The following NBR1 variants were observed in gnomAD, a reference collection of about 807,000 sequenced individuals.
NBR1 encodes the protein next to BRCA1 gene 1 protein.
Under a neutral mutation model 115.5 loss-of-function variants are expected in NBR1, and 59 were observed. The ratio of observed to expected loss-of-function variants is 0.51; its 90% CI spans 0.41 to 0.63. The LOEUF is 0.63. Among genes scored for constraint, NBR1 ranks in the 30% least tolerant of loss-of-function variants. NBR1 has a pLI of 0.00. For synonymous variants in NBR1, 373 were observed against 414.7 expected (o/e 0.90, Z 1.22); for missense variants, 1,043 against 1,150.5 (o/e 0.91, Z 1.35).
intron 5 of NBR1, among the ~76,000 whole-genome samples, chr17:43,184,159 T>G (rs957331461): frequency 2.0e-5 from 3 of 151,830 alleles, no homozygotes; most frequent in African/African-American, 7.3e-5. Context: ...TCAAGTGGTC[T>G]TCCTACCTCA....
At chr17:43,196,321 T>C (rs764666070) in intron 14 of NBR1, among the ~76,000 whole-genome samples, 160 bp from the exon 15 acceptor site, 5 of 152,222 alleles carry the variant, frequency 3.3e-5, no homozygotes, top group South Asian at 2.1e-4. Context: ...TGCTTACTTA[T>C]TGGTCTGGAG....
intron 20 of NBR1, among the ~76,000 whole-genome samples, chr17:43,205,440 A>G (rs569635509): frequency 1.3e-5 from 2 of 152,212 alleles, no homozygotes; most frequent in Non-Finnish European, 2.9e-5. Context: ...CTGGTAGATG[A>G]TGCCTGAACT....
chr17:43,194,705 T>TC (rs2057027342), intron 13 of NBR1: 1 of 656,572 alleles, frequency 1.5e-6, no homozygotes, highest in African/African-American at 1.8e-5. Context: ...ATCCTGTACT[T>TC]CCCCACAAAC....
At chr17:43,179,480 T>C (rs1317001566) in intron 4 of NBR1, 68 bp downstream of exon 4, 2 of 1,404,330 alleles carry the variant, frequency 1.4e-6, no homozygotes, top group African/African-American at 2.8e-5. Flanking sequence ...GGCATTTCTA[T>C]TTATACTCAA....
At position 43,210,435 on chromosome 17, in the gene NBR1, CTG is replaced by C. The variant is rs2057397477; in HGVS notation, c.*363_*364del. On this transcript the variant is annotated 3_prime_UTR_variant, in exon 21 of 21. Coordinates refer to ENST00000590996, the MANE Select transcript of NBR1 (RefSeq NM_005899.5). ...TAATGTGGATTTTTTATGGGGATATCTGTTAATTTTCAGGTTTTGAAAGACAT... is the reference window on the plus strand; with the variant it reads ...TAATGTGGATTTTTTATGGGGATATCTTAATTTTCAGGTTTTGAAAGACAT... The C allele has an allele frequency of 7.6e-6, 3 of 396,660 alleles. No individual in the cohort carries two copies. The East Asian group carries it at 1.1e-4, about 14-fold the overall frequency. The allele number at this position is 396,660 out of a possible 1,614,324, so 24.6% of individuals were successfully genotyped here. A position where few individuals can be genotyped will look rare whatever the true frequency, so the allele number is the denominator to read the frequency against.
chr17:43,197,240 C>A, intron 16 of NBR1, 134 bp downstream of exon 16: 2 of 937,386 alleles, frequency 2.1e-6, no homozygotes, highest in South Asian at 1.7e-5. Flanking sequence ...CTGATCTTGG[C>A]GGGGCGTGGT....
intron 10 of NBR1, among the ~76,000 whole-genome samples, chr17:43,191,853 T>G (rs2056954889): frequency 6.6e-6 from 1 of 151,998 alleles, no homozygotes; most frequent in Non-Finnish European, 1.5e-5. Flanking sequence ...CCTGAGTAGC[T>G]GGGACTACAA....
chr17:43,200,238 G>A lies in NBR1; in HGVS notation c.2098G>A (p.Ala700Thr), dbSNP rs2057164537. Residue 700 changes from alanine (A) to threonine (T), a missense_variant, in exon 17 of 21, where the codon GCT (alanine) becomes ACT (threonine). Physicochemically the swap from Ala to Thr is moderately conservative, Grantham distance 58 (BLOSUM62 0). Transcript: ENST00000590996. ...EEIIHIAEEE[A>T]VMEEEEDEED... Reference sequence around the variant, plus strand: ...GATTATCCATATCGCTGAGGAAGAAGCTGTCATGGAGGAGGAGGAGGATGA... The same window carrying A: ...GATTATCCATATCGCTGAGGAAGAAACTGTCATGGAGGAGGAGGAGGATGA... 1 of 1,551,840 alleles carries A rather than the reference G, an allele frequency of 6.4e-7. No individual in the cohort carries two copies. Among genetic ancestry groups the A allele is most frequent in the Non-Finnish European group, 8.7e-7 (1 of 1,147,042 alleles).
chr17:43,210,137 G>C lies in NBR1; in HGVS notation c.*63G>C. 1 of 1,489,150 alleles carries C rather than the reference G, an allele frequency of 6.7e-7. No individual in the cohort carries two copies. The highest frequency in any genetic ancestry group is 9.1e-7 in the Non-Finnish European group (1 of 1,097,392). The allele number at this position is 1,489,150 out of a possible 1,614,324, so 92.2% of individuals were successfully genotyped here. A position where few individuals can be genotyped will look rare whatever the true frequency, so the allele number is the denominator to read the frequency against. ...AGATGATCTTTATTCTGTCATTGGG[G>C]TATGGGATAGAAGCCCTTGCTTATT... On this transcript the variant is annotated 3_prime_UTR_variant, in exon 21 of 21. Coordinates refer to ENST00000590996, the MANE Select transcript of NBR1 (RefSeq NM_005899.5).
intron 6 of NBR1, among the ~76,000 whole-genome samples, chr17:43,187,548 G>C (rs1346915853): frequency 1.8e-5 from 2 of 110,964 alleles, no homozygotes; most frequent in Non-Finnish European, 1.7e-5. Context: ...TTGCACCTTC[G>C]CCCTGGCTGG....
chr17:43,206,612 G>C (rs1178053637), intron 20 of NBR1, among the ~76,000 whole-genome samples: 3 of 151,156 alleles, frequency 2.0e-5, no homozygotes, highest in Non-Finnish European at 2.9e-5. Context: ...CTGAAATCAT[G>C]CCACTGCACT....
intron 5 of NBR1, among the ~76,000 whole-genome samples, chr17:43,182,447 C>A (rs1330312803): frequency 1.1e-4 from 17 of 151,368 alleles, no homozygotes; most frequent in Admixed American, 1.1e-3. Context: ...GTCTCAAACT[C>A]CTTACCCAAG....
chr17:43,209,633 C>T, intron 20 of NBR1: 4 of 1,535,550 alleles, frequency 2.6e-6, no homozygotes, highest in Non-Finnish European at 3.5e-6. Context: ...GAAGCATTCT[C>T]CTGGTTCTAA....
intron 14 of NBR1, chr17:43,196,027 CAG>C (rs889065641): frequency 8.6e-4 from 131 of 152,030 alleles, no homozygotes; most frequent in Middle Eastern, 3.3e-3. Flanking sequence ...GAGGCTGAGG[CAG>C]AGAGTTGCTT....
At chr17:43,193,711 A>G (rs1016199860) in intron 12 of NBR1, 73 bp downstream of exon 12, 6 of 1,472,236 alleles carry the variant, frequency 4.1e-6, no homozygotes, top group Non-Finnish European at 5.5e-6. Flanking sequence ...AAACTAAAAG[A>G]ACCCACTCAT....
At chr17:43,174,221 GAA>G (rs1362661303) in intron 1 of NBR1, among the ~76,000 whole-genome samples, 1 of 152,094 alleles carries the variant, frequency 6.6e-6, no homozygotes, top group Admixed American at 6.5e-5. Flanking sequence ...TGATAATTAT[GAA>G]AGAAGCTAGC....
intron 1 of NBR1, among the ~76,000 whole-genome samples, chr17:43,173,024 C>T (rs984594587): frequency 6.6e-6 from 1 of 152,116 alleles, no homozygotes; most frequent in African/African-American, 2.4e-5. Flanking sequence ...GACGGGGTTT[C>T]ACCGTGTTAG....
In NBR1 at chr17:43,202,697, G is replaced by C; in HGVS notation, c.2606G>C (p.Ser869Thr). The stretch of plus-strand genomic sequence containing the variant: ...GGACTTGTAAACAGCAGACAGAAGA[G>C]CTATGACCACTCAAGGTAACAACCT... ...SSGLVNSRQKSYDHSRHHHGS... is the reference protein window; with the variant it reads ...SSGLVNSRQKTYDHSRHHHGS... Residue 869 changes from serine (S) to threonine (T), a missense_variant, in exon 19 of 21, where the codon AGC (serine) becomes ACC (threonine). Physicochemically the swap from Ser to Thr is moderately conservative, Grantham distance 58. Transcript: ENST00000590996. 1 of 1,575,104 alleles carries C rather than the reference G, an allele frequency of 6.3e-7. No individual in the cohort carries two copies. Among genetic ancestry groups the C allele is most frequent in the South Asian group, 1.2e-5 (1 of 85,718 alleles).
chr17:43,205,009 C>A (rs1249830800), intron 20 of NBR1, among the ~76,000 whole-genome samples: 1 of 151,688 alleles, frequency 6.6e-6, no homozygotes, highest in Non-Finnish European at 1.5e-5. Flanking sequence ...CTGAGTCTTG[C>A]CCAGAAACTA....
Sources: gnomAD v4.1 joint callset for allele counts (sites outside exome capture counted in the v4.1 genomes callset) on GRCh38, gnomAD v4.1.1 for gene constraint, MANE v1.5 for transcripts, NCBI Gene and HGNC (gene_info 2026-07-23, HGNC 2026-07-21) for gene names.